ATN1: variants seen among roughly 807,000 people sequenced by gnomAD.
The protein encoded by ATN1 is atrophin 1.
A neutral mutation model predicts 85.8 loss-of-function variants in ATN1; 19 were observed. That is an observed-to-expected ratio of 0.22 (90% CI 0.15 to 0.32). The LOEUF (loss-of-function observed/expected upper bound fraction) is 0.32. Ranked by LOEUF, ATN1 falls within the 10% of genes least tolerant of loss-of-function variation. The probability of loss-of-function intolerance (pLI) is 1.00; values close to 1 mark genes in which losing one functional copy is unlikely to be tolerated. For synonymous variants in ATN1, 674 were observed against 657.0 expected (o/e 1.03, Z -0.39); for missense variants, 1,453 against 1,564.5 (o/e 0.93, Z 1.20).
At chr12:6,938,414 C>T (rs1189428443) in intron 6 of ATN1, 67 bp from the exon 7 acceptor site, 2 of 1,503,670 alleles carry the variant, frequency 1.3e-6, no homozygotes, top group Non-Finnish European at 1.8e-6. Context: ...AACAAATGGG[C>T]AGCTTAAAAC....
rs1452005830 is a variant in ATN1, at chr12:6,928,085, G to A, written c.-462G>A. ...CGGGGCCGGGCGGCGCGGCGGGGGC[G>A]GGCGGCGCGGCCCGGGGCATTCCGG... is the stretch of plus-strand genomic sequence containing the variant. On this transcript the variant is annotated 5_prime_UTR_variant, in exon 1 of 10. Coordinates refer to ENST00000396684, the MANE Select transcript of ATN1 (RefSeq NM_001940.4). Among the ~76,000 whole-genome samples the A allele has an allele frequency of 6.9e-6, 1 of 144,998 alleles. No individual in the cohort carries two copies. The highest frequency in any genetic ancestry group is 1.5e-5 in the Non-Finnish European group (1 of 65,314).
chr12:6,935,935 G>A lies in ATN1; in HGVS notation c.668G>A (p.Gly223Asp). The change falls in exon 5 of 10, where the codon GGC becomes GAC. Residue 223 changes from glycine (G) to aspartate (D), a missense_variant. Gly to Asp is a moderately conservative substitution (Grantham distance 94, BLOSUM62 -1). Transcript: ENST00000396684. This position sits in a 1 kb window ranked among gnomAD's most constrained non-coding sequence, Gnocchi z 5.3. ...CCTCACCCACAGCTCTATCCTGGGGGCACTGGTGGAGTTTTGTCTGGACCC... is the reference window on the plus strand; with the variant it reads ...CCTCACCCACAGCTCTATCCTGGGGACACTGGTGGAGTTTTGTCTGGACCC... ...PPPHPQLYPG[G>D]TGGVLSGPPM... 1.3e-6 allele frequency: 2 copies of A among 1,598,052 alleles called. No individual in the cohort carries two copies. The highest frequency in any genetic ancestry group is 4.5e-5 in the East Asian group (2 of 44,708).
At position 6,936,862 on chromosome 12, in the gene ATN1, T is replaced by C. The variant is rs781908942; in HGVS notation, c.1595T>C (p.Met532Thr). The C allele has an allele frequency of 5.6e-6, 9 of 1,613,752 alleles. No homozygotes were observed. The highest frequency in any genetic ancestry group is 7.6e-6 in the Non-Finnish European group (9 of 1,179,928). Reference protein sequence around the residue: ...GSSHHAHPYAMSPSLGSLRPY... With the variant: ...GSSHHAHPYATSPSLGSLRPY... ...TCCCACCACGCACACCCTTACGCCA[T>C]GTCTCCCTCCCTGGGGTCTCTGAGG... The change falls in exon 5 of 10, where the codon ATG becomes ACG. Residue 532 changes from methionine to threonine, a missense_variant. By Grantham distance (81) the Met-to-Thr change is moderately conservative. This residue lies in a region of ATN1 where 990 missense variants were observed against 914.8 expected (regional missense o/e 1.08). Coordinates refer to ENST00000396684, the MANE Select transcript of ATN1 (RefSeq NM_001940.4).
rs761806306 is a variant in ATN1 at position 6,934,387 on chromosome 12, A to G, written c.165+74A>G. 527 of 1,602,406 alleles carry G rather than the reference A, an allele frequency of 3.3e-4. 1 individual carries two copies. Among genetic ancestry groups the G allele is most frequent in the Admixed American group, 1.7e-3 (100 of 58,850 alleles). On this transcript the variant is annotated intron_variant, in intron 3 of 9. Coordinates refer to ENST00000396684, the MANE Select transcript of ATN1 (RefSeq NM_001940.4). The surrounding 1 kb of genome is among the most constrained non-coding windows in gnomAD (Gnocchi z 4.5). ...GAGGGTGTGTGTGTGTTGTGGGGGAACTTCCTGTTTGGCAGAGGGTAACGG... is the reference window on the plus strand; with the variant it reads ...GAGGGTGTGTGTGTGTTGTGGGGGAGCTTCCTGTTTGGCAGAGGGTAACGG...
chr12:6,940,768 G>A (rs1257773862), intron 7 of ATN1, 112 bp from the exon 8 acceptor site: 6 of 1,356,588 alleles, frequency 4.4e-6, no homozygotes, highest in Non-Finnish European at 6.3e-6. Flanking sequence ...TTCCACTTTG[G>A]ACCTCCTTGT....
At chr12:6,929,001 A>C (rs117875601) in intron 1 of ATN1, among the ~76,000 whole-genome samples, 1 of 152,176 alleles carries the variant, frequency 6.6e-6, no homozygotes, top group African/African-American at 2.4e-5. Flanking sequence ...GAGGTTTTCC[A>C]GCGTGGAAGA....
chr12:6,941,879 G>A lies in ATN1; in HGVS notation c.*99G>A. 1.6e-6 allele frequency: 2 copies of A among 1,284,606 alleles called. No homozygotes were observed. The highest frequency in any genetic ancestry group is 2.3e-6 in the Non-Finnish European group (2 of 884,796). The allele number at this position is 1,284,606 out of a possible 1,614,324, so 79.6% of individuals were successfully genotyped here. A position where few individuals can be genotyped will look rare whatever the true frequency, so the allele number is the denominator to read the frequency against. ...CTTGGCCTGCCACCCAGAGCCAAGA[G>A]GGTGCTGCTCAGTTGCAGGGCCTCC... On this transcript the variant is annotated 3_prime_UTR_variant, in exon 10 of 10. Transcript: ENST00000396684. The surrounding 1 kb of genome is among the most constrained non-coding windows in gnomAD (Gnocchi z 5.9).
At chr12:6,940,857 C>T (rs188078943) in intron 7 of ATN1, 23 bp from the exon 8 acceptor site, 1 of 1,614,140 alleles carries the variant, frequency 6.2e-7, no homozygotes, top group East Asian at 2.2e-5. Context: ...TCTGGTGACA[C>T]CTTCCTCTTC....
Position 6,937,029 on chromosome 12 carries a change from C to A in ATN1, c.1762C>A (p.Pro588Thr), listed in dbSNP as rs781986063. 6.2e-7 allele frequency: 1 copy of A among 1,613,912 alleles called. No homozygotes were observed. The highest frequency in any genetic ancestry group is 8.5e-7 in the Non-Finnish European group (1 of 1,179,930). The change falls in exon 5 of 10, where the codon CCC (proline) becomes ACC (threonine). Residue 588 changes from proline (P) to threonine (T), a missense_variant. This residue lies in a region of ATN1 where 990 missense variants were observed against 914.8 expected (regional missense o/e 1.08). Coordinates refer to ENST00000396684, the MANE Select transcript of ATN1 (RefSeq NM_001940.4). The surrounding 1 kb of genome is among the most constrained non-coding windows in gnomAD (Gnocchi z 6.0). ...TCAAGGGTCCTACCCATGTTCACACCCCTCCCCTTCCCAGGGCCCTCAAGG... is the reference window on the plus strand; with the variant it reads ...TCAAGGGTCCTACCCATGTTCACACACCTCCCCTTCCCAGGGCCCTCAAGG... ...TSQGSYPCSH[P>T]SPSQGPQGAP...
chr12:6,937,665 T>C lies in ATN1; in HGVS notation c.2294+104T>C. On this transcript the variant is annotated intron_variant, in intron 5 of 9. Transcript: ENST00000396684. This position sits in a 1 kb window ranked among gnomAD's most constrained non-coding sequence, Gnocchi z 6.0. ...AGGGGCCTTGCGCTGGTGTAGTGTTTTAGAAAAGCACGCCCCTCTCCTCCG... is the reference window on the plus strand; with the variant it reads ...AGGGGCCTTGCGCTGGTGTAGTGTTCTAGAAAAGCACGCCCCTCTCCTCCG... The C allele has an allele frequency of 7.0e-7, 1 of 1,429,790 alleles. No homozygotes were observed. The highest frequency in any genetic ancestry group is 9.2e-7 in the Non-Finnish European group (1 of 1,090,602). The allele number at this position is 1,429,790 out of a possible 1,614,324, so 88.6% of individuals were successfully genotyped here.
chr12:6,937,611 AGGC>A lies in ATN1; in HGVS notation c.2294+55_2294+57del, dbSNP rs1176917940. On this transcript the variant is annotated intron_variant, in intron 5 of 9. Transcript: ENST00000396684. This position sits in a 1 kb window ranked among gnomAD's most constrained non-coding sequence, Gnocchi z 6.0. ...TGGGCCTGGAAAGGGGACGACGACAAGGCGGCGACGAGAGAGGGAGTAGCAGGG... is the reference window on the plus strand; with the variant it reads ...TGGGCCTGGAAAGGGGACGACGACAAGGCGACGAGAGAGGGAGTAGCAGGG... The A allele has an allele frequency of 8.3e-6, 12 of 1,453,304 alleles. No individual in the cohort carries two copies. The highest frequency in any genetic ancestry group is 1.8e-4 in the Middle Eastern group (1 of 5,570). 90.0% of individuals were successfully genotyped at this position (1,453,304 alleles called of 1,614,324 possible).
Position 6,935,720 on chromosome 12 carries a change from G to A in ATN1, c.453G>A (p.Leu151=). 6.2e-7 allele frequency: 1 copy of A among 1,613,900 alleles called. No homozygotes were observed. Among genetic ancestry groups the A allele is most frequent in the African/African-American group, 1.3e-5 (1 of 74,964 alleles). Residue 151 remains leucine (L), a synonymous_variant, in exon 5 of 10, where the codon CTG becomes CTA. Coordinates refer to ENST00000396684, the MANE Select transcript of ATN1 (RefSeq NM_001940.4). The surrounding 1 kb of genome is among the most constrained non-coding windows in gnomAD (Gnocchi z 5.3). ...VENDSDSSSG[L]SQGPARPYHP... Reference sequence around the variant, plus strand: ...ATGACTCTGACTCATCTTCTGGCCTGTCCCAGGGCCCAGCCCGCCCCTACC... The same window carrying A: ...ATGACTCTGACTCATCTTCTGGCCTATCCCAGGGCCCAGCCCGCCCCTACC...
At position 6,934,292 on chromosome 12, in the gene ATN1, G is replaced by A; in HGVS notation, c.144G>A (p.Glu48=). 6.4e-7 allele frequency: 1 copy of A among 1,572,142 alleles called. No homozygotes were observed. Among genetic ancestry groups the A allele is most frequent in the South Asian group, 1.2e-5 (1 of 84,816 alleles). The stretch of plus-strand genomic sequence containing the variant: ...CGTCCAGCAGTGATGGCAAAGCTGA[G>A]AAGTCCAGGCAGACAGCCAAGGTAT... ...VSTSSSDGKA[E]KSRQTAKKAR... is the part of the protein sequence containing the mutation. Residue 48 remains glutamate (E), a synonymous_variant, in exon 3 of 10, where the codon GAG becomes GAA. Coordinates refer to ENST00000396684, the MANE Select transcript of ATN1 (RefSeq NM_001940.4). The surrounding 1 kb of genome is among the most constrained non-coding windows in gnomAD (Gnocchi z 4.5).
Position 6,937,861 on chromosome 12 carries a change from G to T in ATN1, c.2311G>T (p.Asp771Tyr). ...SQSARFNKHL[D>Y]RGFNSCARSD... Reference sequence around the variant, plus strand: ...GCCCGGCAGGTTCAACAAACACCTGGATCGCGGCTTCAACTCGTGCGCGCG... The same window carrying T: ...GCCCGGCAGGTTCAACAAACACCTGTATCGCGGCTTCAACTCGTGCGCGCG... Residue 771 changes from aspartate (D) to tyrosine (Y), a missense_variant, in exon 6 of 10, where the codon GAT (aspartate) becomes TAT (tyrosine). By Grantham distance (160) the Asp-to-Tyr change is radical. Transcript: ENST00000396684. This position sits in a 1 kb window ranked among gnomAD's most constrained non-coding sequence, Gnocchi z 6.0. The T allele has an allele frequency of 6.3e-7, 1 of 1,580,882 alleles. No homozygotes were observed. The highest frequency in any genetic ancestry group is 8.6e-7 in the Non-Finnish European group (1 of 1,164,390).
chr12:6,933,951 C>G lies in ATN1; in HGVS notation c.-51C>G. On this transcript the variant is annotated 5_prime_UTR_variant, in exon 2 of 10. Coordinates refer to ENST00000396684, the MANE Select transcript of ATN1 (RefSeq NM_001940.4). ...AACTTGGGGTGGAGCAGAGAAGTTT[C>G]TGTATTCAGCTGCCCAGGCAGAGGA... 3 of 1,577,160 alleles carry G rather than the reference C, an allele frequency of 1.9e-6. No individual in the cohort carries two copies. The highest frequency in any genetic ancestry group is 4.6e-5 in the East Asian group (2 of 43,856).
chr12:6,930,020 A>T (rs1945440747), intron 1 of ATN1, among the ~76,000 whole-genome samples: 1 of 152,234 alleles, frequency 6.6e-6, no homozygotes, highest in South Asian at 2.1e-4. Flanking sequence ...GTGGCCCAGG[A>T]CAGAGGGCTG....
Position 6,934,117 on chromosome 12 carries a change from C to T in ATN1, c.28-59C>T. On this transcript the variant is annotated intron_variant, in intron 2 of 9. Transcript: ENST00000396684. This position sits in a 1 kb window ranked among gnomAD's most constrained non-coding sequence, Gnocchi z 4.5. ...AGAGAAGAAGAACAAATAATGTGCA[C>T]CATAAAGTTAGGTGCAATGTAAAGA... 1.2e-6 allele frequency: 2 copies of T among 1,613,784 alleles called. No individual in the cohort carries two copies. The highest frequency in any genetic ancestry group is 1.7e-6 in the Non-Finnish European group (2 of 1,179,770).
In ATN1 at chr12:6,936,755, G is replaced by A. The variant is rs200695600; in HGVS notation, c.1488G>A (p.Gln496=). 2.0e-5 allele frequency: 27 copies of A among 1,374,610 alleles called. No individual in the cohort carries two copies. In the Admixed American group the frequency reaches 4.5e-4, roughly 23 times the overall value. The allele number at this position is 1,374,610 out of a possible 1,614,324, so 85.2% of individuals were successfully genotyped here. ...AGCAGCAGCAGCAGCAGCAGCAGCAGCAGCAGCAGCAGCAGCAGCATCACG... is the reference window on the plus strand; with the variant it reads ...AGCAGCAGCAGCAGCAGCAGCAGCAACAGCAGCAGCAGCAGCAGCATCACG... ...QQQQQQQQQQ[Q]QQQQQQHHGN... The change falls in exon 5 of 10, where the codon CAG becomes CAA. Residue 496 remains glutamine (Q), a synonymous_variant. Transcript: ENST00000396684.
chr12:6,937,799 G>C lies in ATN1; in HGVS notation c.2295-46G>C. On this transcript the variant is annotated intron_variant, in intron 5 of 9. Transcript: ENST00000396684. This position sits in a 1 kb window ranked among gnomAD's most constrained non-coding sequence, Gnocchi z 6.0. ...GGGCCGCGGCGCTGCGGGCTCCATC[G>C]GGCAGCTCGCACCGCCTGAGCGCCC... is the stretch of plus-strand genomic sequence containing the variant. 1 of 1,508,808 alleles carries C rather than the reference G, an allele frequency of 6.6e-7. No homozygotes were observed. Among genetic ancestry groups the C allele is most frequent in the South Asian group, 1.3e-5 (1 of 78,604 alleles). 93.5% of individuals were successfully genotyped at this position (1,508,808 alleles called of 1,614,324 possible).
Sources: gnomAD v4.1 joint callset for allele counts (sites outside exome capture counted in the v4.1 genomes callset) on GRCh38, gnomAD v4.1.1 for gene constraint, gnomAD v4.1.1 regional missense constraint, Gnocchi (gnomAD v3.1) non-coding constraint, MANE v1.5 for transcripts, NCBI Gene and HGNC (gene_info 2026-07-23, HGNC 2026-07-21) for gene names.